TSNARE1: variants seen among roughly 807,000 people sequenced by gnomAD.
The protein encoded by TSNARE1 is t-SNARE domain-containing protein 1.
Under a neutral mutation model 62.0 loss-of-function variants are expected in TSNARE1, and 49 were observed. The ratio of observed to expected loss-of-function variants is 0.79; its 90% CI spans 0.63 to 1.00. The LOEUF (loss-of-function observed/expected upper bound fraction) is 1.00, where lower values mean the gene tolerates loss of function less well. Ranked by LOEUF, TSNARE1 falls within the 50% of genes least tolerant of loss-of-function variation. The pLI, the probability that TSNARE1 is intolerant of heterozygous loss-of-function variation, is 0.00. For missense variants in TSNARE1, 755 were observed against 700.1 expected, an observed-to-expected ratio of 1.08 and a Z score of -0.88; for synonymous variants, 328 against 294.4, an observed-to-expected ratio of 1.11 and a Z score of -1.17.
At chr8:142,285,324 A>ATGGATGGATGGGTAGGTGGG (rs1822526346) in intron 10 of TSNARE1, among the ~76,000 whole-genome samples, 1 of 121,822 alleles carries the variant, frequency 8.2e-6, no homozygotes, top group Non-Finnish European at 1.7e-5. Flanking sequence ...GGGTAGGTGG[A>ATGGATGGATGGGTAGGTGGG]TAGGTGGTTG....
intron 12 of TSNARE1, among the ~76,000 whole-genome samples, chr8:142,239,711 C>T (rs1337548091): frequency 2.6e-5 from 4 of 152,130 alleles, no homozygotes; most frequent in Non-Finnish European, 4.4e-5. Context: ...CTGTGATTAG[C>T]GAGTCACGTT....
At chr8:142,218,562 C>T (rs1816057754) in intron 13 of TSNARE1, among the ~76,000 whole-genome samples, 1 of 152,204 alleles carries the variant, frequency 6.6e-6, no homozygotes, top group African/African-American at 2.4e-5. Flanking sequence ...GGCCACCCCT[C>T]GATGAAGAGC....
At chr8:142,331,644 C>G in intron 5 of TSNARE1, 110 bp downstream of exon 5, 1 of 1,083,320 alleles carries the variant, frequency 9.2e-7, no homozygotes, top group South Asian at 1.4e-5. Context: ...GGGACTGCAC[C>G]GCAGGATGGC....
intron 12 of TSNARE1, chr8:142,272,876 C>T: frequency 1.0e-6 from 1 of 984,740 alleles, no homozygotes; most frequent in Non-Finnish European, 1.2e-6. Flanking sequence ...CCTCAACCCT[C>T]CTGACACCGT....
At chr8:142,384,119 C>T (rs1294632328) in intron 1 of TSNARE1, among the ~76,000 whole-genome samples, 1 of 152,154 alleles carries the variant, frequency 6.6e-6, no homozygotes, top group Non-Finnish European at 1.5e-5. Context: ...GAAGGGCTGG[C>T]GTCAGGAGCC....
At chr8:142,374,323 GAA>G (rs370093132) in intron 1 of TSNARE1, among the ~76,000 whole-genome samples, 2 of 142,086 alleles carry the variant, frequency 1.4e-5, no homozygotes, top group Non-Finnish European at 3.1e-5. Flanking sequence ...AAAAGAAAAA[GAA>G]AAAAAAAAAG....
chr8:142,238,507 G>A (rs1349945837), intron 12 of TSNARE1, among the ~76,000 whole-genome samples: 1 of 148,744 alleles, frequency 6.7e-6, no homozygotes, highest in Non-Finnish European at 1.5e-5. Flanking sequence ...GCCGGAATCT[G>A]AGGAGATGGA....
intron 7 of TSNARE1, among the ~76,000 whole-genome samples, chr8:142,315,435 T>G (rs1828380770): frequency 6.6e-6 from 1 of 152,256 alleles, no homozygotes. Flanking sequence ...GTGACTTGTC[T>G]GTGGTCACAT....
At chr8:142,326,280 C>T (rs557905880) in intron 6 of TSNARE1, 33 of 136,382 alleles carry the variant, frequency 2.4e-4, no homozygotes, top group Middle Eastern at 1.8e-3. Context: ...CCGGAGACCA[C>T]GAGACGGATG....
At chr8:142,357,230 C>G (rs1186952161) in intron 1 of TSNARE1, among the ~76,000 whole-genome samples, 2 of 152,200 alleles carry the variant, frequency 1.3e-5, no homozygotes, top group East Asian at 1.9e-4. Context: ...GGGCCCCTCA[C>G]GCCCCGTGAG....
chr8:142,300,577 C>G lies in TSNARE1; in HGVS notation c.1199G>C (p.Trp400Ser). ...GAGCAGCGCCTGCTCCTGGCCCTGCCACATGTTGTCACTCCCGTTAAAGAC... is the reference window on the plus strand; with the variant it reads ...GAGCAGCGCCTGCTCCTGGCCCTGCGACATGTTGTCACTCCCGTTAAAGAC... Reference protein sequence around the residue: ...EKVFNGSDNMWQGQEQALLPD... With the variant: ...EKVFNGSDNMSQGQEQALLPD... Residue 400 changes from tryptophan (W) to serine (S), a missense_variant, in exon 10 of 14, where the codon TGG (tryptophan) becomes TCG (serine). Trp to Ser is a radical substitution (Grantham distance 177, BLOSUM62 -3). Transcript: ENST00000524325. 4 of 1,613,514 alleles carry G rather than the reference C, an allele frequency of 2.5e-6. No individual in the cohort carries two copies. The South Asian group carries it at 4.4e-5, about 18-fold the overall frequency.
intron 12 of TSNARE1, among the ~76,000 whole-genome samples, chr8:142,264,284 C>T (rs537142715): frequency 6.6e-6 from 1 of 152,272 alleles, no homozygotes; most frequent in South Asian, 2.1e-4. Context: ...ACTGCATTTT[C>T]TAGTGATTGA....
At chr8:142,395,182 C>A (rs941384240) in intron 1 of TSNARE1, among the ~76,000 whole-genome samples, 2 of 152,178 alleles carry the variant, frequency 1.3e-5, no homozygotes, top group African/African-American at 4.8e-5. Flanking sequence ...TTTTCCTGTG[C>A]TGGGACCACA....
intron 13 of TSNARE1, among the ~76,000 whole-genome samples, chr8:142,217,374 A>AGAAAGAAAG (rs1473518889): frequency 7.4e-6 from 1 of 134,922 alleles, no homozygotes; most frequent in African/African-American, 3.4e-5. Flanking sequence ...AAAGAAAGAA[A>AGAAAGAAAG]AAAGGGAAAG....
At position 142,288,678 on chromosome 8, in the gene TSNARE1, G is replaced by C. The variant is rs1823225746; in HGVS notation, c.1291-4193C>G. 2.0e-5 allele frequency among the ~76,000 whole-genome samples: 3 copies of C among 152,278 alleles called. No individual in the cohort carries two copies. The South Asian group carries it at 6.2e-4, about 31-fold the overall frequency. On this transcript the variant is annotated intron_variant, in intron 10 of 13. Coordinates refer to ENST00000524325, the MANE Select transcript of TSNARE1 (RefSeq NM_145003.5). ...AGGCCCGCAGACAGAGGAGCTGGTG[G>C]GGGGTGGGGGCATGTTCTCTGGGCT... is the stretch of plus-strand genomic sequence containing the variant.
chr8:142,262,352 TTTA>T (rs1275805079), intron 12 of TSNARE1, among the ~76,000 whole-genome samples: 1 of 152,024 alleles, frequency 6.6e-6, no homozygotes, highest in Non-Finnish European at 1.5e-5. Flanking sequence ...TGTGTGTCCA[TTTA>T]TTTAGAATTT....
intron 12 of TSNARE1, chr8:142,270,176 C>A: frequency 1.0e-6 from 1 of 985,424 alleles, no homozygotes; most frequent in Non-Finnish European, 1.2e-6. Context: ...GGGCTGCAGA[C>A]TGTGCCCTGC....
chr8:142,239,676 G>A (rs1181225100), intron 12 of TSNARE1, among the ~76,000 whole-genome samples: 1 of 152,250 alleles, frequency 6.6e-6, no homozygotes, highest in African/African-American at 2.4e-5. Flanking sequence ...CGTTAATGGA[G>A]TAATCAGGAA....
In TSNARE1 at chr8:142,305,841, T is replaced by G. The variant is rs142329097; in HGVS notation, c.1132-5197A>C. Among the ~76,000 whole-genome samples, 27 of 152,250 alleles carry G rather than the reference T, an allele frequency of 1.8e-4. 2 individuals carry two copies. Among genetic ancestry groups the G allele is most frequent in the African/African-American group, 6.5e-4 (27 of 41,550 alleles). On this transcript the variant is annotated intron_variant, in intron 9 of 13. Coordinates refer to ENST00000524325, the MANE Select transcript of TSNARE1 (RefSeq NM_145003.5). ...CTCCCCACAGGGCTCAGGGCCTGGG[T>G]CCCTGTTCCGACACGTAGGGAAGAG...
Sources: gnomAD v4.1 joint callset for allele counts (sites outside exome capture counted in the v4.1 genomes callset) on GRCh38, gnomAD v4.1.1 for gene constraint, MANE v1.5 for transcripts, NCBI Gene and HGNC (gene_info 2026-07-23, HGNC 2026-07-21) for gene names.